Variants in GRIN2B observed in about 807,000 individuals in gnomAD.
GRIN2B encodes glutamate ionotropic receptor NMDA type subunit 2B, also known as glutamate receptor ionotropic, NMDA 2B.
A neutral mutation model predicts 114.5 loss-of-function variants in GRIN2B; 5 were observed. The observed-to-expected ratio is 0.04, with a 90% CI of 0.02 to 0.09. The LOEUF (loss-of-function observed/expected upper bound fraction) is 0.09, where lower values mean the gene tolerates loss of function less well. GRIN2B is among the 10% of genes least tolerant of loss of function. The probability of loss-of-function intolerance (pLI) is 1.00; values close to 1 mark genes in which losing one functional copy is unlikely to be tolerated. For missense variants in GRIN2B, 1,108 were observed against 1,943.5 expected (o/e 0.57, Z 8.08); for synonymous variants, 787 against 745.1 (o/e 1.06, Z -0.92).
chr12:13,923,637 T>C (rs1866859466), intron 2 of GRIN2B, among the ~76,000 whole-genome samples: 1 of 152,034 alleles, frequency 6.6e-6, no homozygotes, highest in South Asian at 2.1e-4. Flanking sequence ...TTATCCAGGG[T>C]AAAGGGATGA....
chr12:13,685,417 A>G (rs921097343), intron 4 of GRIN2B, among the ~76,000 whole-genome samples: 6 of 152,192 alleles, frequency 3.9e-5, no homozygotes, highest in African/African-American at 1.4e-4. Flanking sequence ...CTCATGGAAA[A>G]AGAAGGTTAT....
intron 5 of GRIN2B, among the ~76,000 whole-genome samples, chr12:13,647,849 G>C (rs1489122506): frequency 6.6e-6 from 1 of 152,076 alleles, no homozygotes; most frequent in Non-Finnish European, 1.5e-5. Context: ...TATGAATAAG[G>C]TTCCATGCTC....
intron 2 of GRIN2B, chr12:13,977,542 G>A (rs902499230): frequency 5.9e-5 from 9 of 152,076 alleles, no homozygotes; most frequent in Admixed American, 3.9e-4. Context: ...GAGGTTCCTC[G>A]ATTGAAATTA....
chr12:13,975,179 C>G (rs2136876538), intron 2 of GRIN2B, among the ~76,000 whole-genome samples: 1 of 152,318 alleles, frequency 6.6e-6, no homozygotes, highest in Middle Eastern at 3.4e-3. Context: ...GGCCACTAAC[C>G]ATGGTCTGTA....
intron 3 of GRIN2B, among the ~76,000 whole-genome samples, chr12:13,820,347 A>G (rs1864910641): frequency 6.6e-6 from 1 of 152,208 alleles, no homozygotes. Flanking sequence ...TTCTCTGACC[A>G]TATATAGCCA....
intron 5 of GRIN2B, among the ~76,000 whole-genome samples, chr12:13,622,869 A>G (rs1309252947): frequency 6.6e-6 from 1 of 152,218 alleles, no homozygotes; most frequent in Non-Finnish European, 1.5e-5. Flanking sequence ...TGCCTCTAAA[A>G]GGTCCCACCT....
At chr12:13,725,452 G>C (rs550065906) in intron 4 of GRIN2B, among the ~76,000 whole-genome samples, 1 of 152,144 alleles carries the variant, frequency 6.6e-6, no homozygotes, top group Non-Finnish European at 1.5e-5. Flanking sequence ...TAGTCATACA[G>C]CTGGGGAAGC....
chr12:13,884,380 T>G (rs1866119453), intron 2 of GRIN2B, among the ~76,000 whole-genome samples: 1 of 152,178 alleles, frequency 6.6e-6, no homozygotes, highest in Non-Finnish European at 1.5e-5. Context: ...AAGAATATCA[T>G]GTTTTTGATG....
chr12:13,886,567 A>G (rs1565575409), intron 2 of GRIN2B, among the ~76,000 whole-genome samples: 1 of 152,140 alleles, frequency 6.6e-6, no homozygotes, highest in Admixed American at 6.5e-5. Flanking sequence ...TGGCAAAGAG[A>G]AACAGAAATG....
chr12:13,891,231 GT>G (rs1162861232), intron 2 of GRIN2B, among the ~76,000 whole-genome samples: 2 of 152,158 alleles, frequency 1.3e-5, no homozygotes, highest in Non-Finnish European at 2.9e-5. Flanking sequence ...GCAAATCTGT[GT>G]TTTCTGCCAA....
intron 3 of GRIN2B, among the ~76,000 whole-genome samples, chr12:13,803,810 C>T (rs753216770): frequency 1.3e-5 from 2 of 152,150 alleles, no homozygotes; most frequent in Admixed American, 6.5e-5. Flanking sequence ...GTGGAAACAA[C>T]AATTCACAAG....
chr12:13,877,427 C>T (rs1866006795), intron 2 of GRIN2B, among the ~76,000 whole-genome samples: 2 of 152,166 alleles, frequency 1.3e-5, no homozygotes, highest in Admixed American at 6.5e-5. Context: ...ACATAGTTAG[C>T]CACACAACTA....
intron 2 of GRIN2B, among the ~76,000 whole-genome samples, chr12:13,898,835 C>T (rs1349582528): frequency 6.6e-6 from 1 of 152,210 alleles, no homozygotes; most frequent in African/African-American, 2.4e-5. Flanking sequence ...TGCTTGAACC[C>T]AGGAGGCGGA....
chr12:13,723,905 T>A (rs1211122465), intron 4 of GRIN2B, among the ~76,000 whole-genome samples: 1 of 152,048 alleles, frequency 6.6e-6, no homozygotes, highest in Non-Finnish European at 1.5e-5. Flanking sequence ...AAACTAATAG[T>A]GGCAATGCTA....
At chr12:13,592,502 C>T (rs1225545837) in intron 10 of GRIN2B, among the ~76,000 whole-genome samples, 2 of 152,186 alleles carry the variant, frequency 1.3e-5, no homozygotes, top group Admixed American at 6.5e-5. Flanking sequence ...ATAAATCTGC[C>T]TTTCTTTACC....
chr12:13,965,310 T>C (rs560754911), intron 2 of GRIN2B, among the ~76,000 whole-genome samples: 128 of 152,334 alleles, frequency 8.4e-4, no homozygotes, highest in South Asian at 1.9e-3. Context: ...TTGTAATTTC[T>C]AGCCATCATC....
chr12:13,874,053 G>T (rs146200424), intron 2 of GRIN2B, among the ~76,000 whole-genome samples: 1 of 152,154 alleles, frequency 6.6e-6, no homozygotes. Context: ...AGGTAAGGAC[G>T]CCCATCCTAA....
At chr12:13,736,760 C>A (rs762822344) in intron 4 of GRIN2B, among the ~76,000 whole-genome samples, 3 of 152,164 alleles carry the variant, frequency 2.0e-5, no homozygotes, top group Non-Finnish European at 4.4e-5. Context: ...CCAATCATGC[C>A]TGTAATCCCA....
chr12:13,877,568 T>C (rs749741464), intron 2 of GRIN2B, among the ~76,000 whole-genome samples: 1 of 152,158 alleles, frequency 6.6e-6, no homozygotes, highest in Non-Finnish European at 1.5e-5. Context: ...TCTCTCTCCT[T>C]TCTCCCAAAT....
Sources: gnomAD v4.1 joint callset for allele counts (sites outside exome capture counted in the v4.1 genomes callset) on GRCh38, gnomAD v4.1.1 for gene constraint, MANE v1.5 for transcripts, NCBI Gene and HGNC (gene_info 2026-07-23, HGNC 2026-07-21) for gene names.